Variants in CD177 observed in about 807,000 individuals in gnomAD.
The protein encoded by CD177 is CD177 molecule.
CD177 carries 41 observed loss-of-function variants against 38.1 expected under a neutral mutation model. The observed-to-expected ratio is 1.07, with a 90% CI of 0.84 to 1.39. CD177 has a LOEUF of 1.39. CD177 is among the 40% of genes most tolerant of loss of function. The pLI, the probability that CD177 is intolerant of heterozygous loss-of-function variation, is 0.00. For missense variants in CD177, 619 were observed against 523.8 expected (o/e 1.18, Z -1.77); for synonymous variants, 236 against 216.7 (o/e 1.09, Z -0.78).
In CD177 at chr19:43,361,183, T is replaced by A; in HGVS notation, c.801T>A (p.Thr267=). Residue 267 remains threonine (T), a synonymous_variant, in exon 7 of 9, where the codon ACT becomes ACA. Coordinates refer to ENST00000618265, the MANE Select transcript of CD177 (RefSeq NM_020406.4). ...STLVGTKGCS[T]VGAQNSQKTT... Reference sequence around the variant, plus strand: ...TGGTGGGGACAAAAGGCTGCAGCACTGTTGGGGCTCAAAATTCCCAGAAGA... The same window carrying A: ...TGGTGGGGACAAAAGGCTGCAGCACAGTTGGGGCTCAAAATTCCCAGAAGA... 2 of 1,549,672 alleles carry A rather than the reference T, an allele frequency of 1.3e-6. No individual in the cohort carries two copies. The highest frequency in any genetic ancestry group is 2.2e-5 in the East Asian group (1 of 44,868).
rs1599876412 is a variant in CD177, at chr19:43,355,449, C to T, written c.380-212C>T. ...TGTACCCAGCCCTGGGTGCCTCTAC[C>T]CAGACCTCCTGTTCATTCTCCCTTC... On this transcript the variant is annotated intron_variant, in intron 3 of 8. Coordinates refer to ENST00000618265, the MANE Select transcript of CD177 (RefSeq NM_020406.4). 4 of 562,348 alleles carry T rather than the reference C, an allele frequency of 7.1e-6. No homozygotes were observed. The East Asian group carries it at 1.8e-4, about 25-fold the overall frequency. The allele number at this position is 562,348 out of a possible 1,614,324, so 34.8% of individuals were successfully genotyped here. A position where few individuals can be genotyped will look rare whatever the true frequency, so the allele number is the denominator to read the frequency against.
Position 43,354,331 on chromosome 19 carries a change from G to A in CD177, c.318G>A (p.Gln106=), listed in dbSNP as rs547213838. ...SLISYTFVCR[Q]EDFCNNLVNS... is the part of the protein sequence containing the mutation. ...TCTCCTACACCTTCGTGTGCCGCCA[G>A]GAGGACTTCTGCAACAACCTCGTTA... The change falls in exon 3 of 9, where the codon CAG becomes CAA. Residue 106 remains glutamine (Q), a synonymous_variant. Coordinates refer to ENST00000618265, the MANE Select transcript of CD177 (RefSeq NM_020406.4). The A allele has an allele frequency of 1.7e-4, 278 of 1,613,954 alleles. 2 individuals carry two copies. The South Asian group carries it at 2.8e-3, about 16-fold the overall frequency.
At chr19:43,354,572 C>T (rs1281172236) in intron 3 of CD177, 180 bp downstream of exon 3, 1 of 658,696 alleles carries the variant, frequency 1.5e-6, no homozygotes, top group Non-Finnish European at 2.6e-6. Flanking sequence ...CATCCCTCCC[C>T]ACTCACTCCC....
Position 43,360,245 on chromosome 19 carries a change from C to T in CD177, c.620-20C>T. On this transcript the variant is annotated intron_variant, in intron 5 of 8. Transcript: ENST00000618265. ...TGGTGGGTTCCTGGCTTACACACAC[C>T]CTGGGATTCCTCTCCCCAGATTTTC... 1 of 1,611,380 alleles carries T rather than the reference C, an allele frequency of 6.2e-7. No individual in the cohort carries two copies. The highest frequency in any genetic ancestry group is 8.5e-7 in the Non-Finnish European group (1 of 1,178,920).
intron 3 of CD177, among the ~76,000 whole-genome samples, chr19:43,355,294 A>G (rs886369414): frequency 2.7e-5 from 4 of 150,282 alleles, no homozygotes; most frequent in Non-Finnish European, 5.9e-5. Context: ...TTGTATTTTT[A>G]GTAGAGACAG....
Position 43,362,432 on chromosome 19 carries a change from A to G in CD177, c.*112A>G, listed in dbSNP as rs118042167. On this transcript the variant is annotated 3_prime_UTR_variant, in exon 9 of 9. Transcript: ENST00000618265. ...AGATTCTTTCCCATTCTGTCCATGA[A>G]TCATCTTCCCCACACACAATCATTC... 425 of 591,970 alleles carry G rather than the reference A, an allele frequency of 7.2e-4. 2 individuals are homozygous for G. The East Asian group carries it at 0.011, about 16-fold the overall frequency. The allele number at this position is 591,970 out of a possible 1,614,324, so 36.7% of individuals were successfully genotyped here.
Position 43,355,797 on chromosome 19 carries a change from A to T in CD177, c.502+14A>T. On this transcript the variant is annotated intron_variant, in intron 4 of 8. Coordinates refer to ENST00000618265, the MANE Select transcript of CD177 (RefSeq NM_020406.4). ...GGCTCAGGGGAGGTAAGCCTGGGAC[A>T]TCGGGGTCCCTGTGGGGACTGAACT... 6.2e-7 allele frequency: 1 copy of T among 1,612,924 alleles called. No individual in the cohort carries two copies.
chr19:43,354,534 T>C (rs1035693751), intron 3 of CD177, 142 bp downstream of exon 3: 3 of 808,438 alleles, frequency 3.7e-6, no homozygotes, highest in African/African-American at 1.7e-5. Context: ...GACTGCTCCC[T>C]GACCATCGCC....
Position 43,362,233 on chromosome 19 carries a change from G to A in CD177, c.1227G>A (p.Gly409=). 1 of 1,611,894 alleles carries A rather than the reference G, an allele frequency of 6.2e-7. No individual in the cohort carries two copies. The highest frequency in any genetic ancestry group is 8.5e-7 in the Non-Finnish European group (1 of 1,178,050). ...CTGCCTCTCAGCATGAGGGAGGTGG[G>A]GCTGAGGGCCTGGAGTCTCTCACTT... ...QPPASQHEGG[G]AEGLESLTWG... Residue 409 remains glycine, a synonymous_variant, in exon 9 of 9, where the codon GGG becomes GGA. Transcript: ENST00000618265.
At chr19:43,363,951 G>A (rs999602345), downstream of CD177, among the ~76,000 whole-genome samples, 1 of 152,172 alleles carries the variant, frequency 6.6e-6, no homozygotes, top group Non-Finnish European at 1.5e-5. Context: ...TAAGCCGGGT[G>A]TGGTGGTGTG....
intron 5 of CD177, among the ~76,000 whole-genome samples, chr19:43,359,823 AGGCAGTGCTCAGC>A (rs1249827232): frequency 3.8e-4 from 44 of 114,640 alleles, no homozygotes; most frequent in South Asian, 2.1e-3. Context: ...CCAGGTGCAG[AGGCAGTGCTCAGC>A]GGCAGTGCTC....
rs1244224000 is a variant in CD177, at chr19:43,361,590, C to A, written c.1081+11C>A. 1 of 1,554,096 alleles carries A rather than the reference C, an allele frequency of 6.4e-7. No homozygotes were observed. The highest frequency in any genetic ancestry group is 8.7e-7 in the Non-Finnish European group (1 of 1,146,732). On this transcript the variant is annotated intron_variant, in intron 8 of 8. Coordinates refer to ENST00000618265, the MANE Select transcript of CD177 (RefSeq NM_020406.4). Reference sequence around the variant, plus strand: ...TTCATCTCTCAGGAGGTGAGTGCTGCAAGCAGGGCCCCAAGGATGAAGGCA... The same window carrying A: ...TTCATCTCTCAGGAGGTGAGTGCTGAAAGCAGGGCCCCAAGGATGAAGGCA...
chr19:43,361,684 A>T (rs1248145466), intron 8 of CD177, 105 bp downstream of exon 8: 2 of 1,139,596 alleles, frequency 1.8e-6, no homozygotes, highest in Non-Finnish European at 1.2e-6. Flanking sequence ...CCGAGGGAGG[A>T]GGCGCTGGGG....
At chr19:43,361,848 C>G (rs1219260311) in intron 8 of CD177, among the ~76,000 whole-genome samples, 1 of 148,492 alleles carries the variant, frequency 6.7e-6, no homozygotes, top group African/African-American at 2.5e-5. Flanking sequence ...GGCCGGGGCT[C>G]CTGGGTCTGA....
chr19:43,360,622 CA>C (rs1969949301), intron 6 of CD177: 1 of 557,866 alleles, frequency 1.8e-6, no homozygotes, highest in Admixed American at 3.1e-5. Flanking sequence ...GAGGGGTGAC[CA>C]CGTATGCGGT....
At chr19:43,355,140 G>T (rs1258360099) in intron 3 of CD177, among the ~76,000 whole-genome samples, 1 of 118,358 alleles carries the variant, frequency 8.4e-6, no homozygotes, top group Non-Finnish European at 1.7e-5. Context: ...CTGAGAAAGC[G>T]TCTCGCTGTG....
At chr19:43,359,837 G>C (rs1341828335) in intron 5 of CD177, among the ~76,000 whole-genome samples, 1 of 123,524 alleles carries the variant, frequency 8.1e-6, no homozygotes, top group African/African-American at 3.2e-5. Flanking sequence ...AGTGCTCAGC[G>C]GCAGTGCTCA....
chr19:43,362,554 G>C lies in CD177; in HGVS notation c.*234G>C. 1 of 431,872 alleles carries C rather than the reference G, an allele frequency of 2.3e-6. No homozygotes were observed. The highest frequency in any genetic ancestry group is 4.1e-6 in the Non-Finnish European group (1 of 242,666). 26.8% of individuals were successfully genotyped at this position (431,872 alleles called of 1,614,324 possible). ...GCTGGAGGAGTGGCTGCATGTATCT[G>C]ATAATACAGACCCTGTCCTTTCTCC... is the stretch of plus-strand genomic sequence containing the variant. On this transcript the variant is annotated 3_prime_UTR_variant, in exon 9 of 9. Coordinates refer to ENST00000618265, the MANE Select transcript of CD177 (RefSeq NM_020406.4).
In CD177 at chr19:43,354,187, G is replaced by A; in HGVS notation, c.194-20G>A. The A allele has an allele frequency of 2.5e-6, 4 of 1,606,324 alleles. No homozygotes were observed. Among genetic ancestry groups the A allele is most frequent in the Non-Finnish European group, 3.4e-6 (4 of 1,176,762 alleles). ...GGAGGCCTGACCTCCATCCTCGCTT[G>A]CCTCCCTCTTTCGGTCCAGGACCCC... On this transcript the variant is annotated intron_variant, in intron 2 of 8. Transcript: ENST00000618265.
Sources: gnomAD v4.1 joint callset for allele counts (sites outside exome capture counted in the v4.1 genomes callset) on GRCh38, gnomAD v4.1.1 for gene constraint, MANE v1.5 for transcripts, NCBI Gene and HGNC (gene_info 2026-07-23, HGNC 2026-07-21) for gene names.